The following KDM4C variants were observed in gnomAD, a reference collection of about 807,000 sequenced individuals.
KDM4C encodes lysine-specific demethylase 4C.
In KDM4C, 81 loss-of-function variants were observed where a neutral mutation model predicts 129.3. The observed-to-expected ratio is 0.63, with a 90% CI of 0.52 to 0.75. KDM4C has a LOEUF of 0.75. KDM4C is among the 30% of genes least tolerant of loss of function. The pLI is 0.00. For synonymous variants in KDM4C, 573 were observed against 456.1 expected, an observed-to-expected ratio of 1.26 and a Z score of -3.26; for missense variants, 1,457 against 1,304.0, an observed-to-expected ratio of 1.12 and a Z score of -1.81.
At chr9:6,773,812 G>A (rs2130661718) in intron 1 of KDM4C, among the ~76,000 whole-genome samples, 1 of 151,702 alleles carries the variant, frequency 6.6e-6, no homozygotes, top group Non-Finnish European at 1.5e-5. Flanking sequence ...ATGTGTTACT[G>A]GTTGTATAAT....
At chr9:6,834,497 C>T (rs1432240151) in intron 4 of KDM4C, 10 of 633,172 alleles carry the variant, frequency 1.6e-5, no homozygotes, top group South Asian at 6.3e-5. Context: ...ACAACGGCTC[C>T]GGCATGTGGA....
At chr9:6,904,612 C>T (rs1311228079) in intron 8 of KDM4C, among the ~76,000 whole-genome samples, 4 of 152,144 alleles carry the variant, frequency 2.6e-5, no homozygotes, top group African/African-American at 9.7e-5. Context: ...GCTGTGTCCA[C>T]ACCTGTCACC....
At position 7,169,833 on chromosome 9, in the gene KDM4C, G is replaced by A; in HGVS notation, c.2937G>A (p.Lys979=). The A allele has an allele frequency of 6.2e-7, 1 of 1,612,078 alleles. No individual in the cohort carries two copies. Among genetic ancestry groups the A allele is most frequent in the Non-Finnish European group, 8.5e-7 (1 of 1,178,282 alleles). ...EFEDGSQIAM[K]REDIYTLDEE... is the part of the protein sequence containing the mutation. The stretch of plus-strand genomic sequence containing the variant: ...AAGATGGATCCCAGATAGCAATGAA[G>A]AGAGAGGACATCTACACTTTAGATG... Residue 979 remains lysine, a synonymous_variant, in exon 21 of 22, where the codon AAG becomes AAA. Transcript: ENST00000381309.
At chr9:6,731,324 G>GT in intron 1 of KDM4C, among the ~76,000 whole-genome samples, 1 of 92,926 alleles carries the variant, frequency 1.1e-5, no homozygotes, top group Non-Finnish European at 2.2e-5. Flanking sequence ...TTTTTTTTTT[G>GT]CTTTTTTTTT....
At chr9:7,157,203 T>C (rs1843277347) in intron 19 of KDM4C, among the ~76,000 whole-genome samples, 1 of 152,250 alleles carries the variant, frequency 6.6e-6, no homozygotes, top group East Asian at 1.9e-4. Context: ...ACATTGATTT[T>C]GTATCCTGAG....
chr9:6,973,374 A>G (rs927195397), intron 8 of KDM4C, among the ~76,000 whole-genome samples: 2 of 152,202 alleles, frequency 1.3e-5, no homozygotes, highest in Non-Finnish European at 2.9e-5. Context: ...TTAGAAAATC[A>G]AATAGACTAA....
In KDM4C at chr9:7,048,778, G is replaced by A. The variant is rs919272152; in HGVS notation, c.2316-314G>A. Among the ~76,000 whole-genome samples, 22 of 151,988 alleles carry A rather than the reference G, an allele frequency of 1.4e-4. 1 individual carries two copies. Among genetic ancestry groups the A allele is most frequent in the African/African-American group, 5.3e-4 (22 of 41,408 alleles). On this transcript the variant is annotated intron_variant, in intron 16 of 21. Coordinates refer to ENST00000381309, the MANE Select transcript of KDM4C (RefSeq NM_015061.6). The stretch of plus-strand genomic sequence containing the variant: ...TTTAAGCACATACATGCATATTCCA[G>A]CATCAAATGAAATAAGAAACCCACA...
intron 2 of KDM4C, among the ~76,000 whole-genome samples, chr9:6,804,498 G>A (rs952837499): frequency 3.9e-5 from 6 of 152,160 alleles, no homozygotes; most frequent in East Asian, 1.9e-4. Context: ...GGTGGCTCAC[G>A]CCTGTAATCC....
intron 8 of KDM4C, among the ~76,000 whole-genome samples, chr9:6,894,573 A>G (rs559225357): frequency 4.6e-5 from 7 of 152,360 alleles, no homozygotes; most frequent in African/African-American, 1.4e-4. Flanking sequence ...CAGAGTCACC[A>G]CAAATATTGA....
upstream of KDM4C, among the ~76,000 whole-genome samples, chr9:6,755,473 G>A (rs1243196173): frequency 6.7e-6 from 1 of 148,988 alleles, no homozygotes; most frequent in South Asian, 2.1e-4. Flanking sequence ...GCTTGAACCC[G>A]GGAGGTCAAG....
chr9:7,088,898 A>C (rs983861840), intron 17 of KDM4C, among the ~76,000 whole-genome samples: 1 of 152,224 alleles, frequency 6.6e-6, no homozygotes. Context: ...CTCCTTTGCA[A>C]GTGTGCTTTC....
intron 18 of KDM4C, among the ~76,000 whole-genome samples, chr9:7,125,675 G>A (rs541865496): frequency 6.6e-6 from 1 of 152,328 alleles, no homozygotes; most frequent in East Asian, 1.9e-4. Context: ...ATGATAAACT[G>A]TATTTCCCAG....
At chr9:7,015,643 A>G (rs929691207) in intron 14 of KDM4C, among the ~76,000 whole-genome samples, 2 of 152,178 alleles carry the variant, frequency 1.3e-5, no homozygotes, top group African/African-American at 2.4e-5. Flanking sequence ...TTTATTACCC[A>G]TTCAAGATGT....
At chr9:7,100,029 G>A (rs1202349483) in intron 17 of KDM4C, among the ~76,000 whole-genome samples, 1 of 152,056 alleles carries the variant, frequency 6.6e-6, no homozygotes, top group African/African-American at 2.4e-5. Context: ...ACTCTCAGAT[G>A]AGACAGGAGC....
intron 4 of KDM4C, among the ~76,000 whole-genome samples, chr9:6,847,168 G>T (rs1257117188): frequency 6.6e-6 from 1 of 152,160 alleles, no homozygotes; most frequent in East Asian, 1.9e-4. Flanking sequence ...AAATTTGCAA[G>T]CTCATTCAGT....
chr9:6,746,930 C>T (rs566271467), intron 1 of KDM4C, among the ~76,000 whole-genome samples: 1,550 of 131,346 alleles, frequency 0.012, 21 homozygotes, highest in African/African-American at 0.042. Context: ...GGCGTGAATC[C>T]GGGAGGCGGA....
chr9:6,762,042 C>G lies in KDM4C; in HGVS notation c.-18+3839C>G, dbSNP rs185052215. On this transcript the variant is annotated intron_variant, in intron 1 of 21. Transcript: ENST00000381309. The stretch of plus-strand genomic sequence containing the variant: ...CTCGATCTCCTGACCTCGTGATCCG[C>G]CTGCCTCGGCCTCCCAAAGTGCTGG... Among the ~76,000 whole-genome samples the G allele has an allele frequency of 3.2e-3, 482 of 152,178 alleles. 1 individual carries two copies. Among genetic ancestry groups the G allele is most frequent in the African/African-American group, 0.011 (466 of 41,528 alleles).
In KDM4C at chr9:6,840,491, G is replaced by T. The variant is rs561120829; in HGVS notation, c.436-9016G>T. 3.3e-5 allele frequency among the ~76,000 whole-genome samples: 5 copies of T among 152,142 alleles called. No homozygotes were observed. In the East Asian group the frequency reaches 9.7e-4, roughly 29 times the overall value. On this transcript the variant is annotated intron_variant, in intron 4 of 21. Transcript: ENST00000381309. ...GGCTCACTGTAACCTCTGCCTCCCA[G>T]GTTCCAGTGATTCTCCTGCCTCAGC...
intron 12 of KDM4C, among the ~76,000 whole-genome samples, chr9:6,999,839 A>T (rs1396683367): frequency 6.6e-6 from 1 of 152,178 alleles, no homozygotes; most frequent in East Asian, 1.9e-4. Context: ...TGAAAAATAA[A>T]TGCTGTGTGA....
Sources: gnomAD v4.1 joint callset for allele counts (sites outside exome capture counted in the v4.1 genomes callset) on GRCh38, gnomAD v4.1.1 for gene constraint, MANE v1.5 for transcripts, NCBI Gene and HGNC (gene_info 2026-07-23, HGNC 2026-07-21) for gene names.